The following SNTG1 variants were observed in gnomAD, a reference collection of about 807,000 sequenced individuals.
The protein encoded by SNTG1 is syntrophin gamma 1.
In SNTG1, 39 loss-of-function variants were observed where a neutral mutation model predicts 74.7. The ratio of observed to expected loss-of-function variants is 0.52; its 90% CI spans 0.40 to 0.68. The LOEUF is 0.68. Among genes scored for constraint, SNTG1 ranks in the 30% least tolerant of loss-of-function variants. The probability of loss-of-function intolerance (pLI) is 0.00; values close to 1 mark genes in which losing one functional copy is unlikely to be tolerated. For missense variants in SNTG1, 685 were observed against 609.5 expected (o/e 1.12, Z -1.30); for synonymous variants, 254 against 217.1 (o/e 1.17, Z -1.49).
At chr8:50,761,984 A>G (rs1363032099) in intron 18 of SNTG1, among the ~76,000 whole-genome samples, 2 of 152,000 alleles carry the variant, frequency 1.3e-5, no homozygotes, top group Non-Finnish European at 2.9e-5. Flanking sequence ...GGGAATTCTA[A>G]TTACACTGGC....
At position 50,704,653 on chromosome 8, in the gene SNTG1, T is replaced by C; in HGVS notation, c.1092T>C (p.Ser364=). Residue 364 remains serine, a synonymous_variant, in exon 16 of 19, where the codon TCT becomes TCC. Transcript: ENST00000642720. Reference sequence around the variant, plus strand: ...AGTGCTTCACCGTGCAGTCTGAGTCTGGGGAGGACCTGTACTTCTCAGTGG... The same window carrying C: ...AGTGCTTCACCGTGCAGTCTGAGTCCGGGGAGGACCTGTACTTCTCAGTGG... ...RKQCFTVQSE[S]GEDLYFSVEL... The C allele has an allele frequency of 6.2e-7, 1 of 1,614,066 alleles. No individual in the cohort carries two copies. Among genetic ancestry groups the C allele is most frequent in the African/African-American group, 1.3e-5 (1 of 75,008 alleles).
At chr8:50,121,387 G>T (rs1297316255) in intron 1 of SNTG1, among the ~76,000 whole-genome samples, 1 of 141,976 alleles carries the variant, frequency 7.0e-6, no homozygotes, top group Non-Finnish European at 1.6e-5. Flanking sequence ...GCACTGCTCA[G>T]AAACCCTGTA....
At chr8:50,246,094 A>G (rs2086386298) in intron 2 of SNTG1, among the ~76,000 whole-genome samples, 1 of 150,876 alleles carries the variant, frequency 6.6e-6, no homozygotes, top group African/African-American at 2.4e-5. Context: ...TCTCTCATGC[A>G]CAGAAGTAAT....
At chr8:49,937,823 A>G (rs1054542436) in intron 1 of SNTG1, among the ~76,000 whole-genome samples, 6 of 152,186 alleles carry the variant, frequency 3.9e-5, no homozygotes, top group Admixed American at 2.0e-4. Flanking sequence ...TCTTGGAGGC[A>G]GACAGTTTTC....
At position 50,016,082 on chromosome 8, in the gene SNTG1, G is replaced by A. The variant is rs533026182; in HGVS notation, c.-103+103851G>A. Among the ~76,000 whole-genome samples, 15 of 152,080 alleles carry A rather than the reference G, an allele frequency of 9.9e-5. No individual in the cohort carries two copies. The East Asian group carries it at 2.9e-3, about 29-fold the overall frequency. On this transcript the variant is annotated intron_variant, in intron 1 of 18. Transcript: ENST00000642720. Reference sequence around the variant, plus strand: ...CTACTCAGATGTAATGGTTTCACAGGGATTCAGAAAGCTGTAGTGGATCAG... The same window carrying A: ...CTACTCAGATGTAATGGTTTCACAGAGATTCAGAAAGCTGTAGTGGATCAG...
chr8:50,550,975 A>T (rs1375049197), intron 11 of SNTG1, among the ~76,000 whole-genome samples: 1 of 152,162 alleles, frequency 6.6e-6, no homozygotes, highest in East Asian at 1.9e-4. Flanking sequence ...AATCAAGAGC[A>T]TATTGATGGA....
chr8:50,150,093 T>C (rs2082012261), intron 1 of SNTG1, among the ~76,000 whole-genome samples: 1 of 152,196 alleles, frequency 6.6e-6, no homozygotes, highest in Non-Finnish European at 1.5e-5. Flanking sequence ...TAGTTCTCCT[T>C]GAAGAGGTCC....
chr8:50,475,936 TTC>T (rs887459228), intron 8 of SNTG1, among the ~76,000 whole-genome samples: 1 of 152,172 alleles, frequency 6.6e-6, no homozygotes, highest in African/African-American at 2.4e-5. Context: ...AGTGGAAAAC[TTC>T]AGAAATAAAC....
chr8:50,735,602 T>C (rs2095526450), intron 17 of SNTG1, among the ~76,000 whole-genome samples: 1 of 151,960 alleles, frequency 6.6e-6, no homozygotes, highest in Non-Finnish European at 1.5e-5. Flanking sequence ...GATCGAAGCC[T>C]CCAAGAAATA....
intron 1 of SNTG1, among the ~76,000 whole-genome samples, chr8:49,994,666 A>G (rs991741047): frequency 2.6e-5 from 4 of 152,058 alleles, no homozygotes; most frequent in South Asian, 2.1e-4. Context: ...GTTAAATATT[A>G]TGTAATATAA....
At chr8:50,770,410 T>G (rs2131781062) in intron 18 of SNTG1, among the ~76,000 whole-genome samples, 1 of 152,220 alleles carries the variant, frequency 6.6e-6, no homozygotes, top group East Asian at 1.9e-4. Flanking sequence ...TGTAGCTTAT[T>G]ATATTCCTAC....
chr8:50,487,396 T>G (rs1267609173), intron 8 of SNTG1, among the ~76,000 whole-genome samples: 2 of 152,232 alleles, frequency 1.3e-5, no homozygotes, highest in Non-Finnish European at 2.9e-5. Flanking sequence ...CACGTTTATT[T>G]ATTGTGGCAT....
intron 15 of SNTG1, among the ~76,000 whole-genome samples, chr8:50,684,695 CACA>C (rs2095344592): frequency 1.3e-5 from 2 of 150,274 alleles, no homozygotes; most frequent in South Asian, 2.1e-4. Flanking sequence ...TTTGAAGTTG[CACA>C]ACATTTTTCT....
intron 18 of SNTG1, among the ~76,000 whole-genome samples, chr8:50,753,510 T>G (rs933378713): frequency 2.6e-5 from 4 of 151,938 alleles, no homozygotes; most frequent in African/African-American, 9.7e-5. Context: ...CACTTTTTAA[T>G]GAGCTAACAA....
chr8:50,635,738 A>G (rs1277327862), intron 13 of SNTG1, among the ~76,000 whole-genome samples: 1 of 152,186 alleles, frequency 6.6e-6, no homozygotes, highest in Non-Finnish European at 1.5e-5. Context: ...TCCAAGGGCC[A>G]AGGCCTATAA....
intron 1 of SNTG1, among the ~76,000 whole-genome samples, chr8:49,950,802 T>A (rs573293199): frequency 6.6e-6 from 1 of 152,340 alleles, no homozygotes; most frequent in South Asian, 2.1e-4. Context: ...TCACATCTGC[T>A]AAATGTGGCT....
At chr8:50,226,682 G>A (rs931408982) in intron 2 of SNTG1, among the ~76,000 whole-genome samples, 1 of 152,074 alleles carries the variant, frequency 6.6e-6, no homozygotes, top group Admixed American at 6.6e-5. Flanking sequence ...CCCACTTTGG[G>A]TTGTCACCTT....
chr8:50,088,184 T>C (rs1207531365), intron 1 of SNTG1, among the ~76,000 whole-genome samples: 1 of 151,856 alleles, frequency 6.6e-6, no homozygotes, highest in African/African-American at 2.4e-5. Flanking sequence ...TGTATCATTG[T>C]TGGACATTTG....
At chr8:50,554,102 G>C (rs760407587) in intron 12 of SNTG1, among the ~76,000 whole-genome samples, 16 of 152,166 alleles carry the variant, frequency 1.1e-4, no homozygotes, top group Non-Finnish European at 1.0e-4. Context: ...TCCTTGCACA[G>C]AGTAGACTTT....
Sources: allele counts gnomAD v4.1 joint callset (sites outside exome capture counted in the v4.1 genomes callset), GRCh38; gene constraint gnomAD v4.1.1; transcripts MANE v1.5; gene names NCBI Gene and HGNC (gene_info 2026-07-23, HGNC 2026-07-21).